The following CSTPP1 variants were observed in gnomAD, a reference collection of about 807,000 sequenced individuals.
CSTPP1 encodes UPF0705 protein C11orf49.
chr11:47,122,091 A>AAAATATATATATATATAT, the CSTPP1 span, among the ~76,000 whole-genome samples: 1 of 31,836 alleles, frequency 3.1e-5, no homozygotes, highest in Non-Finnish European at 6.4e-5. Flanking sequence ...AAAAAAAAAA[A>AAAATATATATATATATAT]ATATATATAT....
At chr11:46,993,504 G>A in the CSTPP1 span, among the ~76,000 whole-genome samples, 2 of 152,040 alleles carry the variant, frequency 1.3e-5, no homozygotes, top group East Asian at 3.8e-4. Flanking sequence ...TGGCTAGCCA[G>A]TTTTCCCAGA....
chr11:47,139,102 C>G, the CSTPP1 span, among the ~76,000 whole-genome samples: 6 of 149,862 alleles, frequency 4.0e-5, no homozygotes, highest in Admixed American at 6.7e-5. Context: ...ATGCATTTAC[C>G]TTCATTGTTC....
At chr11:47,090,004 G>A in the CSTPP1 span, among the ~76,000 whole-genome samples, 6 of 151,934 alleles carry the variant, frequency 3.9e-5, no homozygotes, top group East Asian at 7.7e-4. Context: ...TTGTTTGAAC[G>A]GAGTTTCGCT....
chr11:46,975,881 G>T, the CSTPP1 span, among the ~76,000 whole-genome samples: 1 of 152,188 alleles, frequency 6.6e-6, no homozygotes, highest in Non-Finnish European at 1.5e-5. Context: ...ACAATCCAGA[G>T]AGGCCAGTGG....
At chr11:47,109,537 C>G in the CSTPP1 span, among the ~76,000 whole-genome samples, 1 of 152,210 alleles carries the variant, frequency 6.6e-6, no homozygotes, top group Non-Finnish European at 1.5e-5. Context: ...GTGGAATTCT[C>G]TCTGCTTCAC....
the CSTPP1 span, among the ~76,000 whole-genome samples, chr11:47,072,372 A>G: frequency 6.6e-6 from 1 of 152,222 alleles, no homozygotes; most frequent in Non-Finnish European, 1.5e-5. Context: ...GCTGTAAATT[A>G]CCATTTCTCA....
chr11:47,129,301 G>A, the CSTPP1 span, among the ~76,000 whole-genome samples: 5 of 152,094 alleles, frequency 3.3e-5, no homozygotes, highest in African/African-American at 9.7e-5. Flanking sequence ...ATGGGCTGCC[G>A]GAGCCTTTGA....
At chr11:47,028,308 C>A in the CSTPP1 span, among the ~76,000 whole-genome samples, 1 of 152,176 alleles carries the variant, frequency 6.6e-6, no homozygotes, top group Non-Finnish European at 1.5e-5. Flanking sequence ...ATTCATGATG[C>A]ATATCCGTGG....
the CSTPP1 span, chr11:47,041,241 A>G: frequency 8.6e-6 from 2 of 232,112 alleles, 1 homozygote; most frequent in Non-Finnish European, 1.8e-5. Context: ...CTGGGTGATG[A>G]TGATGTTGTA....
At chr11:47,161,031 C>A in the CSTPP1 span, 1 of 1,515,736 alleles carries the variant, frequency 6.6e-7, no homozygotes, top group Non-Finnish European at 9.1e-7. Context: ...GCAGGGTCAG[C>A]AGAACAGGCA....
the CSTPP1 span, among the ~76,000 whole-genome samples, chr11:47,128,918 T>C: frequency 6.6e-6 from 1 of 152,168 alleles, no homozygotes; most frequent in Non-Finnish European, 1.5e-5. Flanking sequence ...CATTCTGGCT[T>C]TAAACACCCC....
chr11:47,103,588 G>A, the CSTPP1 span: 2 of 151,056 alleles, frequency 1.3e-5, no homozygotes, highest in Non-Finnish European at 1.5e-5. Flanking sequence ...TGGATGGAAT[G>A]ATCCAAAATT....
At chr11:47,154,982 G>A in the CSTPP1 span, 4 of 613,842 alleles carry the variant, frequency 6.5e-6, no homozygotes, top group Admixed American at 8.1e-5. Flanking sequence ...ATGGAGCAGT[G>A]AGGTGACTGG....
chr11:46,999,467 A>G, the CSTPP1 span, among the ~76,000 whole-genome samples: 1 of 152,142 alleles, frequency 6.6e-6, no homozygotes, highest in Admixed American at 6.5e-5. Flanking sequence ...TACTGCCTCC[A>G]AGCCACTTTA....
chr11:46,988,367 G>C, the CSTPP1 span, among the ~76,000 whole-genome samples: 2 of 152,164 alleles, frequency 1.3e-5, 1 homozygote, highest in Non-Finnish European at 2.9e-5. Flanking sequence ...ACACAATGGA[G>C]TATTATTTGG....
the CSTPP1 span, among the ~76,000 whole-genome samples, chr11:46,949,669 CTTTT>C: frequency 7.0e-6 from 1 of 142,086 alleles, no homozygotes; most frequent in South Asian, 2.3e-4. Context: ...GAGAAAATAA[CTTTT>C]TTTTTTTTTT....
the CSTPP1 span, among the ~76,000 whole-genome samples, chr11:47,055,388 C>T: frequency 1.3e-5 from 2 of 148,258 alleles, no homozygotes; most frequent in East Asian, 2.0e-4. Context: ...CCCTCCCCTC[C>T]CCACTGAGGT....
the CSTPP1 span, among the ~76,000 whole-genome samples, chr11:47,059,529 G>A: frequency 6.6e-6 from 1 of 152,214 alleles, no homozygotes; most frequent in Non-Finnish European, 1.5e-5. Flanking sequence ...TCTTGGAGCA[G>A]TAGAAAGCTG....
the CSTPP1 span, among the ~76,000 whole-genome samples, chr11:46,965,277 A>G: frequency 6.9e-6 from 1 of 144,058 alleles, no homozygotes; most frequent in Non-Finnish European, 1.5e-5. Flanking sequence ...TCGGGCTGGA[A>G]TGCAGTGGTG....
Sources: allele counts gnomAD v4.1 joint callset (sites outside exome capture counted in the v4.1 genomes callset), GRCh38; gene constraint gnomAD v4.1.1; transcripts MANE v1.5; gene names NCBI Gene and HGNC (gene_info 2026-07-23, HGNC 2026-07-21).